CACNA2D1: variants seen among roughly 807,000 people sequenced by gnomAD.
CACNA2D1 encodes the protein voltage-dependent calcium channel subunit alpha-2/delta-1.
CACNA2D1 carries 53 observed loss-of-function variants against 171.5 expected under a neutral mutation model. That is an observed-to-expected ratio of 0.31 (90% CI 0.25 to 0.39). The LOEUF is 0.39. Ranked by LOEUF, CACNA2D1 falls within the 10% of genes least tolerant of loss-of-function variation. The pLI is 1.00. For missense variants in CACNA2D1, 903 were observed against 1,299.8 expected, an observed-to-expected ratio of 0.69 and a Z score of 4.69; for synonymous variants, 442 against 443.1, an observed-to-expected ratio of 1.00 and a Z score of 0.03.
chr7:82,229,606 C>A (rs1297375388), intron 3 of CACNA2D1, among the ~76,000 whole-genome samples: 1 of 152,112 alleles, frequency 6.6e-6, no homozygotes, highest in Non-Finnish European at 1.5e-5. Flanking sequence ...AGTTCATGTT[C>A]TCATGCCAAC....
chr7:82,198,931 C>T (rs1799128650), intron 3 of CACNA2D1, among the ~76,000 whole-genome samples: 1 of 151,994 alleles, frequency 6.6e-6, no homozygotes, highest in African/African-American at 2.4e-5. Context: ...CTTAATGCTC[C>T]ATATTGGGGT....
intron 5 of CACNA2D1, among the ~76,000 whole-genome samples, chr7:82,126,562 T>C (rs2129063469): frequency 6.6e-6 from 1 of 152,300 alleles, no homozygotes; most frequent in African/African-American, 2.4e-5. Flanking sequence ...TCCGCCCAAT[T>C]TCCTCAAAGA....
At chr7:82,328,482 A>C (rs374906030) in intron 3 of CACNA2D1, among the ~76,000 whole-genome samples, 1 of 152,032 alleles carries the variant, frequency 6.6e-6, no homozygotes, top group East Asian at 1.9e-4. Flanking sequence ...TGCTCTCCCA[A>C]ATCTTCAACA....
chr7:82,096,075 A>G (rs1287223159), intron 6 of CACNA2D1, among the ~76,000 whole-genome samples: 2 of 152,188 alleles, frequency 1.3e-5, no homozygotes, highest in African/African-American at 4.8e-5. Context: ...TTCATCCAAT[A>G]AATATTTACT....
chr7:82,298,081 T>C (rs1040100977), intron 3 of CACNA2D1, among the ~76,000 whole-genome samples: 1 of 151,956 alleles, frequency 6.6e-6, no homozygotes, highest in African/African-American at 2.4e-5. Flanking sequence ...ACAAAAATGT[T>C]TGCAGCTATT....
intron 1 of CACNA2D1, among the ~76,000 whole-genome samples, chr7:82,359,465 T>C (rs115909349): frequency 0.012 from 1,840 of 152,282 alleles, 43 homozygotes; most frequent in African/African-American, 0.042. Context: ...ATGGTGAATC[T>C]ACTTCCCCAT....
rs375254972 is a variant in CACNA2D1, at chr7:82,295,926, G to A, written c.294+39209C>T. On this transcript the variant is annotated intron_variant, in intron 3 of 38. Coordinates refer to ENST00000356860, the MANE Select transcript of CACNA2D1 (RefSeq NM_000722.4). ...CATATACACCATGGAATACTATGCAGCCATAAAAAATGATGAGTTCATGTC... is the reference window on the plus strand; with the variant it reads ...CATATACACCATGGAATACTATGCAACCATAAAAAATGATGAGTTCATGTC... Among the ~76,000 whole-genome samples the A allele has an allele frequency of 1.3e-3, 192 of 152,056 alleles. 3 individuals carry two copies. The South Asian group carries it at 0.039, about 31-fold the overall frequency.
At chr7:82,383,837 T>C (rs776168278) in intron 1 of CACNA2D1, among the ~76,000 whole-genome samples, 37 of 152,228 alleles carry the variant, frequency 2.4e-4, no homozygotes, top group Admixed American at 9.8e-4. Context: ...TCTTTCCATA[T>C]AAATTAAGAT....
At chr7:82,403,702 C>T (rs913944506) in intron 1 of CACNA2D1, among the ~76,000 whole-genome samples, 2 of 152,278 alleles carry the variant, frequency 1.3e-5, no homozygotes, top group Admixed American at 6.5e-5. Flanking sequence ...GGAATCAGCA[C>T]CCCTACCCCA....
At chr7:81,953,821 C>T (rs930811250) in intron 38 of CACNA2D1, among the ~76,000 whole-genome samples, 1 of 152,094 alleles carries the variant, frequency 6.6e-6, no homozygotes, top group African/African-American at 2.4e-5. Context: ...CATCTTTATA[C>T]TCTACAAATG....
chr7:82,007,828 T>C, intron 15 of CACNA2D1, 72 bp from the exon 16 acceptor site: 1 of 845,010 alleles, frequency 1.2e-6, no homozygotes, highest in Non-Finnish European at 2.1e-6. Flanking sequence ...CACTAACCTT[T>C]GATATCTGAG....
intron 3 of CACNA2D1, among the ~76,000 whole-genome samples, chr7:82,192,173 A>C (rs537603241): frequency 6.6e-6 from 1 of 151,800 alleles, no homozygotes; most frequent in Admixed American, 6.6e-5. Flanking sequence ...GAAAAAAAAA[A>C]CCTAAATAGA....
In CACNA2D1 at chr7:82,003,685, G is replaced by T. The variant is rs138857249; in HGVS notation, c.1590+1738C>A. On this transcript the variant is annotated intron_variant, in intron 18 of 38. Coordinates refer to ENST00000356860, the MANE Select transcript of CACNA2D1 (RefSeq NM_000722.4). ...CTATGATATATGTTAGTTCCTTTGG[G>T]TAAGGGTTAAGGTTTATAATCACAA... Among the ~76,000 whole-genome samples the T allele has an allele frequency of 9.7e-3, 1,463 of 150,066 alleles. 19 individuals are homozygous for T. The highest frequency in any genetic ancestry group is 0.033 in the African/African-American group (1,358 of 40,936).
In CACNA2D1 at chr7:82,064,294, A is replaced by G. The variant is rs765637188; in HGVS notation, c.779+10T>C. The stretch of plus-strand genomic sequence containing the variant: ...CTCAATATATAAATAAGTAGTATTT[A>G]ACAACTCACACATCCACCAGAATAA... On this transcript the variant is annotated intron_variant, in intron 9 of 38. Transcript: ENST00000356860. The G allele has an allele frequency of 1.9e-6, 3 of 1,570,224 alleles. No homozygotes were observed. In the Admixed American group the frequency reaches 5.0e-5, roughly 26 times the overall value.
At chr7:82,061,240 G>C (rs1806874114) in intron 9 of CACNA2D1, among the ~76,000 whole-genome samples, 1 of 152,074 alleles carries the variant, frequency 6.6e-6, no homozygotes, top group Non-Finnish European at 1.5e-5. Context: ...GTACCAAAGA[G>C]TCTATGTCTC....
intron 4 of CACNA2D1, among the ~76,000 whole-genome samples, chr7:82,164,363 A>T (rs1362259409): frequency 6.6e-6 from 1 of 152,024 alleles, no homozygotes; most frequent in Non-Finnish European, 1.5e-5. Flanking sequence ...CTACACAGTG[A>T]GCTATACTTG....
At chr7:82,427,685 G>C (rs1383184928) in intron 1 of CACNA2D1, among the ~76,000 whole-genome samples, 1 of 152,208 alleles carries the variant, frequency 6.6e-6, no homozygotes, top group African/African-American at 2.4e-5. Context: ...TAGTTGTAGA[G>C]CTGAGCTTTG....
intron 12 of CACNA2D1, chr7:82,027,969 A>C (rs1193669464): frequency 6.6e-6 from 1 of 152,152 alleles, no homozygotes; most frequent in East Asian, 1.9e-4. Context: ...CAAGTTATCC[A>C]GAAGATGTAG....
intron 3 of CACNA2D1, among the ~76,000 whole-genome samples, chr7:82,243,448 C>T (rs1804550931): frequency 6.6e-6 from 1 of 152,094 alleles, no homozygotes; most frequent in African/African-American, 2.4e-5. Context: ...AATAGAGACA[C>T]AAAATTCTCA....
Sources: gnomAD v4.1 joint callset for allele counts (sites outside exome capture counted in the v4.1 genomes callset) on GRCh38, gnomAD v4.1.1 for gene constraint, MANE v1.5 for transcripts, NCBI Gene and HGNC (gene_info 2026-07-23, HGNC 2026-07-21) for gene names.